Variants in STRN observed in about 807,000 individuals in gnomAD.
STRN encodes striatin, also known as protein phosphatase 2 regulatory subunit B'''alpha.
A neutral mutation model predicts 96.3 loss-of-function variants in STRN; 53 were observed. The observed-to-expected ratio is 0.55, with a 90% confidence interval of 0.44 to 0.69. STRN has a LOEUF of 0.69. Among genes scored for constraint, STRN ranks in the 30% least tolerant of loss-of-function variants. The pLI is 0.00. For synonymous variants in STRN, 428 were observed against 355.9 expected (o/e 1.20, Z -2.28); for missense variants, 987 against 963.9 (o/e 1.02, Z -0.32).
At chr2:36,880,724 T>C (rs1292945410) in intron 9 of STRN, among the ~76,000 whole-genome samples, 2 of 152,216 alleles carry the variant, frequency 1.3e-5, no homozygotes, top group African/African-American at 4.8e-5. Context: ...TGATGGTAGG[T>C]CTTCAGCCAG....
At chr2:36,913,766 A>C (rs1670022847) in intron 3 of STRN, among the ~76,000 whole-genome samples, 2 of 152,242 alleles carry the variant, frequency 1.3e-5, no homozygotes, top group African/African-American at 2.4e-5. Context: ...ACTATTACAT[A>C]CTGAGAATAA....
chr2:36,966,450 G>T lies in STRN; in HGVS notation c.14C>A (p.Ala5Glu). The T allele has an allele frequency of 6.8e-7, 1 of 1,462,744 alleles. No individual in the cohort carries two copies. The allele number at this position is 1,462,744 out of a possible 1,614,324, so 90.6% of individuals were successfully genotyped here. A position where few individuals can be genotyped will look rare whatever the true frequency, so the allele number is the denominator to read the frequency against. Residue 5 changes from alanine (A) to glutamate (E), a missense_variant, in exon 1 of 18, where the codon GCG (alanine) becomes GAG (glutamate). Coordinates refer to ENST00000263918, the MANE Select transcript of STRN (RefSeq NM_003162.4). MDEQ[A>E]GPGVFFSNNH... ...GTTGCTGAAGAAGACGCCGGGACCCGCCTGCTCGTCCATGGCGGCCGCAGA... is the reference window on the plus strand; with the variant it reads ...GTTGCTGAAGAAGACGCCGGGACCCTCCTGCTCGTCCATGGCGGCCGCAGA...
At chr2:36,863,479 A>G (rs1043150782) in intron 12 of STRN, among the ~76,000 whole-genome samples, 3 of 152,164 alleles carry the variant, frequency 2.0e-5, no homozygotes, top group South Asian at 4.1e-4. Flanking sequence ...TTAGACGGTT[A>G]TAAGTGTGCA....
At chr2:36,887,176 T>TAGG (rs1669257573) in intron 7 of STRN, among the ~76,000 whole-genome samples, 1 of 151,278 alleles carries the variant, frequency 6.6e-6, no homozygotes, top group Non-Finnish European at 1.5e-5. Context: ...CGCCTATAAT[T>TAGG]CCAGCACTTT....
At chr2:36,913,614 G>A (rs1342987140) in intron 3 of STRN, among the ~76,000 whole-genome samples, 1 of 152,026 alleles carries the variant, frequency 6.6e-6, no homozygotes, top group Non-Finnish European at 1.5e-5. Context: ...TTCTTTAACT[G>A]TCTATCTTCC....
intron 5 of STRN, among the ~76,000 whole-genome samples, chr2:36,900,673 G>A (rs1386445036): frequency 1.3e-5 from 2 of 152,022 alleles, no homozygotes; most frequent in Non-Finnish European, 2.9e-5. Flanking sequence ...GGCGGATCAC[G>A]AGGTCAAGAG....
chr2:36,891,145 T>G (rs146513166), intron 7 of STRN, among the ~76,000 whole-genome samples: 96 of 152,326 alleles, frequency 6.3e-4, no homozygotes, highest in African/African-American at 2.3e-3. Flanking sequence ...TTGGAGCATT[T>G]CAGATTTCGA....
Position 36,963,998 on chromosome 2 carries a change from G to GA in STRN, c.234+2231dup, listed in dbSNP as rs1277970478. 2.3e-3 allele frequency among the ~76,000 whole-genome samples: 326 copies of GA among 141,718 alleles called. 1 individual carries two copies. The highest frequency in any genetic ancestry group is 3.6e-3 in the Middle Eastern group (1 of 276). The allele number at this position is 141,718 out of a possible 152,430, so 93.0% of individuals were successfully genotyped here. On this transcript the variant is annotated intron_variant, in intron 1 of 17. Transcript: ENST00000263918. ...AGCGAGACCCTCTCTCCAATAAAAG[G>GA]AAAAAAAAAAAGGAGTCTCTTTAAT... is the stretch of plus-strand genomic sequence containing the variant.
At chr2:36,882,962 T>C (rs150760011) in intron 9 of STRN, among the ~76,000 whole-genome samples, 335 of 152,216 alleles carry the variant, frequency 2.2e-3, no homozygotes, top group South Asian at 9.8e-3. Context: ...TTATATACCA[T>C]AAGATTACAC....
intron 1 of STRN, among the ~76,000 whole-genome samples, chr2:36,946,460 A>C (rs1220823498): frequency 6.6e-6 from 1 of 152,234 alleles, no homozygotes; most frequent in Non-Finnish European, 1.5e-5. Flanking sequence ...TAAGTATAGG[A>C]TATCTCTACT....
intron 1 of STRN, among the ~76,000 whole-genome samples, chr2:36,926,935 C>T (rs1244319697): frequency 3.3e-5 from 5 of 152,264 alleles, no homozygotes; most frequent in East Asian, 1.9e-4. Flanking sequence ...CCCAACTTGT[C>T]ATTTCCAAAT....
chr2:36,927,492 G>C (rs1487873164), intron 1 of STRN, among the ~76,000 whole-genome samples: 1 of 128,490 alleles, frequency 7.8e-6, no homozygotes, highest in Non-Finnish European at 1.6e-5. Flanking sequence ...ATGGGTGACA[G>C]AGTGAGACCC....
chr2:36,900,666 G>A (rs370797381), intron 5 of STRN, among the ~76,000 whole-genome samples: 12 of 152,218 alleles, frequency 7.9e-5, no homozygotes, highest in Admixed American at 2.0e-4. Context: ...TGAGGCAGGC[G>A]GATCACGAGG....
At chr2:36,907,555 AAAAG>A (rs1279125691) in intron 3 of STRN, among the ~76,000 whole-genome samples, 3 of 152,198 alleles carry the variant, frequency 2.0e-5, no homozygotes, top group African/African-American at 7.2e-5. Flanking sequence ...CTCAAAAAAA[AAAAG>A]AAAGAAATTA....
chr2:36,929,513 T>C (rs1670514950), intron 1 of STRN, among the ~76,000 whole-genome samples: 1 of 152,030 alleles, frequency 6.6e-6, no homozygotes, highest in South Asian at 2.1e-4. Flanking sequence ...CCCTCCTGAG[T>C]AGCTGGGATT....
rs181977322 is a variant in STRN, at chr2:36,924,217, G to A, written c.338+888C>T. On this transcript the variant is annotated intron_variant, in intron 2 of 17. Coordinates refer to ENST00000263918, the MANE Select transcript of STRN (RefSeq NM_003162.4). ...CAAAAATACAAAAAATTAGCCAGGC[G>A]TGGTGGCGGGCACCTGTAGTCCCAG... is the stretch of plus-strand genomic sequence containing the variant. Among the ~76,000 whole-genome samples, 972 of 152,056 alleles carry A rather than the reference G, an allele frequency of 6.4e-3. 18 individuals are homozygous for A. Among genetic ancestry groups the A allele is most frequent in the African/African-American group, 0.022 (924 of 41,480 alleles).
chr2:36,878,095 G>A (rs1668964432), intron 9 of STRN, 68 bp from the exon 10 acceptor site: 31 of 1,564,704 alleles, frequency 2.0e-5, no homozygotes, highest in Non-Finnish European at 2.6e-5. Flanking sequence ...TCATTTGCTT[G>A]CATCAAATTT....
chr2:36,871,155 G>A (rs1446852419), intron 10 of STRN, among the ~76,000 whole-genome samples: 2 of 152,110 alleles, frequency 1.3e-5, no homozygotes, highest in Non-Finnish European at 2.9e-5. Context: ...ATTTATTACT[G>A]AAGAAAATTT....
At chr2:36,893,266 A>G (rs1482728365) in intron 7 of STRN, among the ~76,000 whole-genome samples, 3 of 152,142 alleles carry the variant, frequency 2.0e-5, no homozygotes, top group Admixed American at 1.3e-4. Flanking sequence ...TTAAAAATGT[A>G]ATTTCAGTAT....
Sources: gnomAD v4.1 joint callset for allele counts (sites outside exome capture counted in the v4.1 genomes callset) on GRCh38, gnomAD v4.1.1 for gene constraint, MANE v1.5 for transcripts, NCBI Gene and HGNC (gene_info 2026-07-23, HGNC 2026-07-21) for gene names.